GPATCH2L: variants seen among roughly 807,000 people sequenced by gnomAD.
GPATCH2L encodes the protein G-patch domain containing 2 like, also known as G patch domain-containing protein 2-like.
A neutral mutation model predicts 57.4 loss-of-function variants in GPATCH2L; 31 were observed. The ratio of observed to expected loss-of-function variants is 0.54; its 90% CI spans 0.41 to 0.73. The LOEUF (loss-of-function observed/expected upper bound fraction) is 0.73. Ranked by LOEUF, GPATCH2L falls within the 30% of genes least tolerant of loss-of-function variation. GPATCH2L has a pLI of 0.00. For synonymous variants in GPATCH2L, 199 were observed against 210.7 expected (o/e 0.94, Z 0.48); for missense variants, 481 against 599.9 (o/e 0.80, Z 2.07).
intron 5 of GPATCH2L, chr14:76,173,851 A>G (rs1213764016): frequency 1.9e-6 from 1 of 523,488 alleles, no homozygotes; most frequent in South Asian, 3.2e-5. Context: ...AAAAAAAAAC[A>G]CTGTCATTAC....
At chr14:76,182,752 C>T (rs1482744450) in intron 8 of GPATCH2L, among the ~76,000 whole-genome samples, 1 of 152,084 alleles carries the variant, frequency 6.6e-6, no homozygotes. Flanking sequence ...ATACTGCCCT[C>T]AAGGAGCTTA....
chr14:76,171,778 C>T, intron 3 of GPATCH2L, 65 bp from the exon 4 acceptor site: 1 of 944,876 alleles, frequency 1.1e-6, no homozygotes, highest in Non-Finnish European at 1.6e-6. Context: ...GAAATCATCC[C>T]TCCCATTTGT....
At chr14:76,234,347 A>G (rs1190222834) in intron 2 of GPATCH2L, among the ~76,000 whole-genome samples, 2 of 152,266 alleles carry the variant, frequency 1.3e-5, no homozygotes, top group African/African-American at 4.8e-5. Flanking sequence ...GTGTCCCATG[A>G]TTCCTACCTC....
chr14:76,178,458 G>A lies in GPATCH2L; in HGVS notation c.1107+416G>A. On this transcript the variant is annotated intron_variant, in intron 7 of 9. Coordinates refer to ENST00000261530, the MANE Select transcript of GPATCH2L (RefSeq NM_017926.4). ...GGGGCGTGGTGAGGGGGGTGGTTTT[G>A]GGATGATTCAAATGCATTACATTTA... 3 of 277,792 alleles carry A rather than the reference G, an allele frequency of 1.1e-5. No individual in the cohort carries two copies. The South Asian group carries it at 1.1e-4, about 10-fold the overall frequency. The allele number at this position is 277,792 out of a possible 1,614,324, so 17.2% of individuals were successfully genotyped here.
intron 1 of GPATCH2L, among the ~76,000 whole-genome samples, chr14:76,223,212 C>G (rs553004677): frequency 6.6e-6 from 1 of 152,104 alleles, no homozygotes; most frequent in Non-Finnish European, 1.5e-5. Flanking sequence ...GCCACTATAT[C>G]TAATGAACAT....
In GPATCH2L at chr14:76,178,010, G is replaced by A; in HGVS notation, c.1075G>A (p.Asp359Asn). Residue 359 changes from aspartate to asparagine, a missense_variant, in exon 7 of 10, where the codon GAT becomes AAT. Transcript: ENST00000261530. The part of the protein sequence containing the change: ...QKEKNKALAS[D>N]FPHISACAHE... The stretch of plus-strand genomic sequence containing the variant: ...TAGAAAGAATAAAGCGTTGGCTTCT[G>A]ATTTTCCTCACATTTCTGCTTGTGC... The A allele has an allele frequency of 6.2e-7, 1 of 1,608,038 alleles. No individual in the cohort carries two copies. Among genetic ancestry groups the A allele is most frequent in the Non-Finnish European group, 8.5e-7 (1 of 1,174,968 alleles).
In GPATCH2L at chr14:76,205,495, G is replaced by T. The variant is rs1047422607; in HGVS notation, c.*3644G>T. 6.6e-6 allele frequency: 1 copy of T among 152,168 alleles called. No individual in the cohort carries two copies. The highest frequency in any genetic ancestry group is 2.4e-5 in the African/African-American group (1 of 41,450). 9.4% of individuals were successfully genotyped at this position (152,168 alleles called of 1,614,324 possible). A position where few individuals can be genotyped will look rare whatever the true frequency, so the allele number is the denominator to read the frequency against. On this transcript the variant is annotated 3_prime_UTR_variant, in exon 10 of 10. Transcript: ENST00000261530. ...ACAAGGCTATTTTTGTAGCAAAATGGCCAAAAGCTGAAATAAATCTTCTTA... is the reference window on the plus strand; with the variant it reads ...ACAAGGCTATTTTTGTAGCAAAATGTCCAAAAGCTGAAATAAATCTTCTTA...
rs564402428 is a variant in GPATCH2L at position 76,194,684 on chromosome 14, G to C, written c.1194-1194G>C. Among the ~76,000 whole-genome samples the C allele has an allele frequency of 4.6e-5, 7 of 152,258 alleles. No homozygotes were observed. The East Asian group carries it at 1.2e-3, about 25-fold the overall frequency. ...AGACTACTAAGGGTCTTAATCCTCA[G>C]CTGGGACTACTGATTAGGAGTTTAT... On this transcript the variant is annotated intron_variant, in intron 8 of 9. Transcript: ENST00000261530.
At position 76,158,199 on chromosome 14, in the gene GPATCH2L, T is replaced by C. The variant is rs75943218; in HGVS notation, c.662+3174T>C. ...ACATTCAGGAGCCTTCCTAAGGTGA[T>C]GTATTAGAGGCTGATCTCACAGGAA... On this transcript the variant is annotated intron_variant, in intron 2 of 9. Coordinates refer to ENST00000261530, the MANE Select transcript of GPATCH2L (RefSeq NM_017926.4). Among the ~76,000 whole-genome samples, 778 of 152,240 alleles carry C rather than the reference T, an allele frequency of 5.1e-3. 7 individuals are homozygous for C. Among genetic ancestry groups the C allele is most frequent in the Middle Eastern group, 0.017 (5 of 294 alleles).
intron 2 of GPATCH2L, among the ~76,000 whole-genome samples, chr14:76,233,996 G>C (rs2040586941): frequency 6.6e-6 from 1 of 152,066 alleles, no homozygotes; most frequent in Admixed American, 6.6e-5. Flanking sequence ...TGCAGTCCTA[G>C]ATACCTAGGA....
At chr14:76,178,336 G>A in intron 7 of GPATCH2L, 1 of 1,061,146 alleles carries the variant, frequency 9.4e-7, no homozygotes, top group African/African-American at 1.6e-5. Flanking sequence ...GAGCTGCTTT[G>A]GGTGAAGTGG....
intron 1 of GPATCH2L, among the ~76,000 whole-genome samples, chr14:76,223,560 A>G (rs1314990806): frequency 6.6e-6 from 1 of 152,228 alleles, no homozygotes; most frequent in East Asian, 1.9e-4. Context: ...TGCACAAGCA[A>G]CTGAAGAAAA....
intron 8 of GPATCH2L, among the ~76,000 whole-genome samples, chr14:76,182,643 A>G (rs1245947533): frequency 1.3e-5 from 2 of 151,634 alleles, no homozygotes; most frequent in Admixed American, 6.6e-5. Flanking sequence ...GATATAAACT[A>G]TTAGTAGTAA....
At chr14:76,171,262 G>A (rs1036142740) in intron 3 of GPATCH2L, among the ~76,000 whole-genome samples, 2 of 148,380 alleles carry the variant, frequency 1.3e-5, no homozygotes. Flanking sequence ...AGGAGACCCA[G>A]TTTCTACAGA....
chr14:76,186,552 C>G (rs895201578), intron 8 of GPATCH2L, among the ~76,000 whole-genome samples: 2 of 152,208 alleles, frequency 1.3e-5, no homozygotes, highest in South Asian at 2.1e-4. Flanking sequence ...GTGTTGCTTT[C>G]TCACCTCTTT....
At position 76,210,277 on chromosome 14, in the gene GPATCH2L, A is replaced by G. The variant is rs1042055753; in HGVS notation, c.*8426A>G. 3.3e-5 allele frequency: 5 copies of G among 152,236 alleles called. No individual in the cohort carries two copies. In the East Asian group the frequency reaches 9.6e-4, roughly 29 times the overall value. The allele number at this position is 152,236 out of a possible 1,614,324, so 9.4% of individuals were successfully genotyped here. On this transcript the variant is annotated 3_prime_UTR_variant, in exon 10 of 10. Coordinates refer to ENST00000261530, the MANE Select transcript of GPATCH2L (RefSeq NM_017926.4). ...CAATGAAATACACTTACAGTTACAGACAAACTTGCTCGAGTCACATATCTA... is the reference window on the plus strand; with the variant it reads ...CAATGAAATACACTTACAGTTACAGGCAAACTTGCTCGAGTCACATATCTA...
At chr14:76,196,103 C>T (rs1900127) in intron 9 of GPATCH2L, 131 bp downstream of exon 9, 500,516 of 775,402 alleles carry the variant, frequency 0.65, 166,490 homozygotes, top group South Asian at 0.76. Flanking sequence ...CATGGGAAAA[C>T]TGAGACTACA....
At chr14:76,233,938 T>A (rs1324121235) in intron 2 of GPATCH2L, among the ~76,000 whole-genome samples, 3 of 151,910 alleles carry the variant, frequency 2.0e-5, no homozygotes, top group East Asian at 3.9e-4. Flanking sequence ...ACCTTCTCTC[T>A]ACAAAAATAA....
At chr14:76,195,740 C>A in intron 8 of GPATCH2L, 138 bp from the exon 9 acceptor site, 1 of 678,288 alleles carries the variant, frequency 1.5e-6, no homozygotes, top group Non-Finnish European at 2.6e-6. Context: ...ATAATGTTGT[C>A]CCAATGCTTA....
Sources: gnomAD v4.1 joint callset for allele counts (sites outside exome capture counted in the v4.1 genomes callset) on GRCh38, gnomAD v4.1.1 for gene constraint, MANE v1.5 for transcripts, NCBI Gene and HGNC (gene_info 2026-07-23, HGNC 2026-07-21) for gene names.